Variants in PIH1D1 observed in about 807,000 individuals in gnomAD.
PIH1D1 encodes PIH1 domain containing 1.
Under a neutral mutation model 38.5 loss-of-function variants are expected in PIH1D1, and 28 were observed. That is an observed-to-expected ratio of 0.73 (90% CI 0.54 to 1.00). The LOEUF is 1.00. Ranked by LOEUF, PIH1D1 falls within the 50% of genes least tolerant of loss-of-function variation. PIH1D1 has a pLI of 0.00. For missense variants in PIH1D1, 343 were observed against 369.9 expected (o/e 0.93, Z 0.60); for synonymous variants, 155 against 153.5 (o/e 1.01, Z -0.07).
rs764710824 is a variant in PIH1D1 at position 49,449,606 on chromosome 19, A to G, written c.206T>C (p.Ile69Thr). The G allele has an allele frequency of 1.2e-6, 2 of 1,614,090 alleles. No individual in the cohort carries two copies. Among genetic ancestry groups the G allele is most frequent in the Non-Finnish European group, 1.7e-6 (2 of 1,180,004 alleles). ...AGGAGGGATAGAGGGGGAGTGGCAG[A>G]TGTTGATGAAAACCTTCCCTTCCGA... ...NSSEGKVFIN[I>T]CHSPSIPPPA... is the part of the protein sequence containing the mutation. The change falls in exon 3 of 9, where the codon ATC becomes ACC. Residue 69 changes from isoleucine to threonine, a missense_variant. Coordinates refer to ENST00000262265, the MANE Select transcript of PIH1D1 (RefSeq NM_017916.3).
chr19:49,448,779 G>A (rs2079040187), intron 3 of PIH1D1, among the ~76,000 whole-genome samples: 1 of 152,094 alleles, frequency 6.6e-6, no homozygotes, highest in Non-Finnish European at 1.5e-5. Context: ...CCTAGAGCTT[G>A]GTCCCAGAAA....
intron 8 of PIH1D1, 54 bp downstream of exon 8, chr19:49,446,497 C>G (rs1428052605): frequency 1.3e-6 from 2 of 1,589,138 alleles, no homozygotes; most frequent in Non-Finnish European, 1.7e-6. Context: ...CCCTGGGAGA[C>G]AGAGTCCAGG....
In PIH1D1 at chr19:49,451,025, CTTTTTTTTTTT is replaced by C. The variant is rs10616213; in HGVS notation, c.91-188_91-178del. 4 of 550,684 alleles carry C rather than the reference CTTTTTTTTTTT, an allele frequency of 7.3e-6. No homozygotes were observed. The African/African-American group carries it at 9.4e-5, about 13-fold the overall frequency. The allele number at this position is 550,684 out of a possible 1,614,324, so 34.1% of individuals were successfully genotyped here. A position where few individuals can be genotyped will look rare whatever the true frequency, so the allele number is the denominator to read the frequency against. On this transcript the variant is annotated intron_variant, in intron 1 of 8. Coordinates refer to ENST00000262265, the MANE Select transcript of PIH1D1 (RefSeq NM_017916.3). ...AACAACCCCAACCCCATTCCCATTT[CTTTTTTTTTTT>C]TTTTTTTTTTGGAGACGGAGTCTCA...
intron 1 of PIH1D1, 154 bp from the exon 2 acceptor site, chr19:49,451,002 C>A: frequency 5.8e-5 from 64 of 1,098,806 alleles, no homozygotes; most frequent in Non-Finnish European, 6.9e-5. Flanking sequence ...ACTAGAAGAA[C>A]AACCCCAACC....
chr19:49,448,105 A>T, intron 3 of PIH1D1, 43 bp from the exon 4 acceptor site: 1 of 1,600,270 alleles, frequency 6.2e-7, no homozygotes, highest in Non-Finnish European at 8.6e-7. Context: ...AGCCCTCTGC[A>T]GGAAGCCCAC....
rs1043263 is a variant in PIH1D1 at position 49,446,332 on chromosome 19, A to T, written c.*50T>A. 0.39 allele frequency: 305,667 copies of T among 783,194 alleles called. 65,359 individuals are homozygous for T. Among genetic ancestry groups the T allele is most frequent in the Middle Eastern group, 0.52 (2,306 of 4,438 alleles). The allele number at this position is 783,194 out of a possible 1,614,324, so 48.5% of individuals were successfully genotyped here. A position where few individuals can be genotyped will look rare whatever the true frequency, so the allele number is the denominator to read the frequency against. ...AAATCTTTTATTTCAACTTTTAGGGAAGCCAGCAGCCTCTTCTCCACATCT... is the reference window on the plus strand; with the variant it reads ...AAATCTTTTATTTCAACTTTTAGGGTAGCCAGCAGCCTCTTCTCCACATCT... On this transcript the variant is annotated 3_prime_UTR_variant, in exon 9 of 9. Coordinates refer to ENST00000262265, the MANE Select transcript of PIH1D1 (RefSeq NM_017916.3).
intron 1 of PIH1D1, 124 bp from the exon 2 acceptor site, chr19:49,450,972 G>GTCCCCTT: frequency 6.4e-7 from 1 of 1,571,168 alleles, no homozygotes; most frequent in Non-Finnish European, 8.6e-7. Flanking sequence ...GACGGTTTAG[G>GTCCCCTT]TCCCCTTTCT....
chr19:49,451,486 TGCA>T lies in PIH1D1; in HGVS notation c.86_88del (p.Leu29del). 3 of 1,613,788 alleles carry T rather than the reference TGCA, an allele frequency of 1.9e-6. No individual in the cohort carries two copies. Among genetic ancestry groups the T allele is most frequent in the Non-Finnish European group, 2.5e-6 (3 of 1,179,960 alleles). On this transcript the variant is annotated inframe_deletion and splice_region_variant, in exon 1 of 9. Coordinates refer to ENST00000262265, the MANE Select transcript of PIH1D1 (RefSeq NM_017916.3). ...GATCCAGGGGTCCGGTCACTGCACC[TGCA>T]GCAGCAGCTCCTCAAATCGCGCCGA...
Position 49,451,614 on chromosome 19 carries a change from A to G in PIH1D1, c.-40T>C, listed in dbSNP as rs758087589. 1 of 1,607,614 alleles carries G rather than the reference A, an allele frequency of 6.2e-7. No individual in the cohort carries two copies. The highest frequency in any genetic ancestry group is 1.1e-5 in the South Asian group (1 of 90,924). ...GATCTAGGCGTCCTCGAGACCCTCA[A>G]CGTGGGAAACTTTGCCCAGGATCCG... On this transcript the variant is annotated 5_prime_UTR_variant, in exon 1 of 9. Transcript: ENST00000262265.
chr19:49,447,208 G>T (rs1251451890), intron 6 of PIH1D1, 109 bp from the exon 7 acceptor site: 1 of 1,490,500 alleles, frequency 6.7e-7, no homozygotes, highest in African/African-American at 1.4e-5. Flanking sequence ...CGCCTTCCCA[G>T]TCAGGAGTTC....
chr19:49,451,373 TTC>T (rs1176002180), intron 1 of PIH1D1, 110 bp downstream of exon 1: 2 of 1,484,328 alleles, frequency 1.3e-6, no homozygotes, highest in Non-Finnish European at 1.8e-6. Context: ...TTAACCTCAA[TTC>T]CCCGAGGCCT....
At chr19:49,449,295 C>G in intron 3 of PIH1D1, 180 bp downstream of exon 3, 1 of 725,790 alleles carries the variant, frequency 1.4e-6, no homozygotes, top group South Asian at 1.5e-5. Flanking sequence ...GGTGGCAGAA[C>G]CAGGACTGCC....
chr19:49,448,202 C>CA (rs2079036977), intron 3 of PIH1D1, 140 bp from the exon 4 acceptor site: 1 of 806,356 alleles, frequency 1.2e-6, no homozygotes, highest in Non-Finnish European at 2.0e-6. Context: ...GCTGGGCACT[C>CA]ACTTTCCGCT....
At position 49,446,442 on chromosome 19, in the gene PIH1D1, G is replaced by C. The variant is rs1446574235; in HGVS notation, c.832-19C>G. ...TTAATTGCTGAGGAGACAGAGCAAA[G>C]AGAATGAGGATCCAGGACCCAGAAG... is the stretch of plus-strand genomic sequence containing the variant. On this transcript the variant is annotated intron_variant, in intron 8 of 8. Coordinates refer to ENST00000262265, the MANE Select transcript of PIH1D1 (RefSeq NM_017916.3). The C allele has an allele frequency of 1.7e-6, 2 of 1,162,750 alleles. No individual in the cohort carries two copies. The highest frequency in any genetic ancestry group is 1.3e-6 in the Non-Finnish European group (1 of 767,402). The allele number at this position is 1,162,750 out of a possible 1,614,324, so 72.0% of individuals were successfully genotyped here.
Position 49,451,738 on chromosome 19 carries a change from G to A in PIH1D1, c.-164C>T. On this transcript the variant is annotated 5_prime_UTR_variant, in exon 1 of 9. Coordinates refer to ENST00000262265, the MANE Select transcript of PIH1D1 (RefSeq NM_017916.3). ...TAAGACTACATTTCCATTCAAGACC[G>A]AACACCATCGTCAAATCCGTGGGGA... 7.0e-7 allele frequency: 1 copy of A among 1,422,016 alleles called. No homozygotes were observed. Among genetic ancestry groups the A allele is most frequent in the Non-Finnish European group, 9.2e-7 (1 of 1,088,152 alleles). 88.1% of individuals were successfully genotyped at this position (1,422,016 alleles called of 1,614,324 possible). A position where few individuals can be genotyped will look rare whatever the true frequency, so the allele number is the denominator to read the frequency against.
In PIH1D1 at chr19:49,449,667, G is replaced by C; in HGVS notation, c.158-13C>G. The C allele has an allele frequency of 6.2e-7, 1 of 1,609,090 alleles. No individual in the cohort carries two copies. The highest frequency in any genetic ancestry group is 8.5e-7 in the Non-Finnish European group (1 of 1,176,482). ...TTTATGCAGAAACCTGGTGGGAGTG[G>C]GTTAGTCATGACAATCCTTTTCTGC... On this transcript the variant is annotated splice_polypyrimidine_tract_variant and intron_variant, in intron 2 of 8. Transcript: ENST00000262265.
Position 49,451,474 on chromosome 19 carries a change from G to T in PIH1D1, c.90+11C>A. 6.2e-7 allele frequency: 1 copy of T among 1,613,526 alleles called. No homozygotes were observed. The highest frequency in any genetic ancestry group is 8.5e-7 in the Non-Finnish European group (1 of 1,179,916). On this transcript the variant is annotated intron_variant, in intron 1 of 8. Coordinates refer to ENST00000262265, the MANE Select transcript of PIH1D1 (RefSeq NM_017916.3). The stretch of plus-strand genomic sequence containing the variant: ...CGAATACTCAAGGATCCAGGGGTCC[G>T]GTCACTGCACCTGCAGCAGCAGCTC...
At chr19:49,449,116 TG>T (rs2079042362) in intron 3 of PIH1D1, 1 of 364,850 alleles carries the variant, frequency 2.7e-6, no homozygotes, top group Non-Finnish European at 5.3e-6. Context: ...CGTCTGAACC[TG>T]GGCAACAAGA....
Position 49,447,327 on chromosome 19 carries a change from C to T in PIH1D1, c.611+11G>A. On this transcript the variant is annotated intron_variant, in intron 6 of 8. Transcript: ENST00000262265. ...AGGAAACATCAGACCGGGGATCTAC[C>T]GAAGGCCCACCCTGACTCAGCTCTC... 2 of 1,613,782 alleles carry T rather than the reference C, an allele frequency of 1.2e-6. No individual in the cohort carries two copies. The highest frequency in any genetic ancestry group is 1.3e-5 in the African/African-American group (1 of 75,026).
Sources: allele counts gnomAD v4.1 joint callset (sites outside exome capture counted in the v4.1 genomes callset), GRCh38; gene constraint gnomAD v4.1.1; transcripts MANE v1.5; gene names NCBI Gene and HGNC (gene_info 2026-07-23, HGNC 2026-07-21).